ATXN2: variants seen among roughly 807,000 people sequenced by gnomAD.
ATXN2 encodes the protein ataxin 2.
In ATXN2, 37 loss-of-function variants were observed where a neutral mutation model predicts 138.6. That is an observed-to-expected ratio of 0.27 (90% CI 0.21 to 0.35). The LOEUF is 0.35. Ranked by LOEUF, ATXN2 falls within the 10% of genes least tolerant of loss-of-function variation. ATXN2 has a pLI of 1.00. For missense variants in ATXN2, 1,216 were observed against 1,480.3 expected (o/e 0.82, Z 2.93); for synonymous variants, 549 against 543.7 (o/e 1.01, Z -0.13).
intron 18 of ATXN2, among the ~76,000 whole-genome samples, chr12:111,483,626 G>C (rs1329514049): frequency 1.3e-5 from 2 of 151,396 alleles, no homozygotes; most frequent in African/African-American, 4.9e-5. Context: ...CAGAGTGTTG[G>C]GCTTACAGAT....
chr12:111,483,198 C>CAT (rs1332830805), intron 18 of ATXN2, among the ~76,000 whole-genome samples: 3 of 128,554 alleles, frequency 2.3e-5, no homozygotes, highest in Non-Finnish European at 5.2e-5. Context: ...AACACATACA[C>CAT]ACACACACAC....
chr12:111,581,285 C>A, intron 1 of ATXN2: 1 of 474,508 alleles, frequency 2.1e-6, no homozygotes, highest in Non-Finnish European at 3.9e-6. Flanking sequence ...TAAAAAACCA[C>A]CAGAGCCAGA....
chr12:111,523,547 G>A (rs766039451), intron 6 of ATXN2, among the ~76,000 whole-genome samples: 18 of 151,794 alleles, frequency 1.2e-4, no homozygotes, highest in Non-Finnish European at 8.8e-5. Flanking sequence ...AACATATGGT[G>A]AAACCCCGTC....
chr12:111,563,068 G>A (rs1882787584), intron 1 of ATXN2, among the ~76,000 whole-genome samples: 1 of 152,084 alleles, frequency 6.6e-6, no homozygotes, highest in Admixed American at 6.6e-5. Flanking sequence ...TTGTATTCCT[G>A]CCAAAAATAA....
chr12:111,559,349 T>C (rs571358940), intron 1 of ATXN2, among the ~76,000 whole-genome samples: 1 of 150,872 alleles, frequency 6.6e-6, no homozygotes, highest in South Asian at 2.1e-4. Flanking sequence ...TCCACCCACC[T>C]CAGCCTCCCA....
intron 23 of ATXN2, chr12:111,455,702 C>T (rs1007022281): frequency 5.1e-5 from 21 of 409,878 alleles, no homozygotes; most frequent in African/African-American, 2.0e-5. Flanking sequence ...TATATATGTA[C>T]ACATATATAT....
intron 1 of ATXN2, among the ~76,000 whole-genome samples, chr12:111,588,670 T>C (rs921655574): frequency 1.3e-5 from 2 of 150,460 alleles, no homozygotes; most frequent in African/African-American, 4.9e-5. Context: ...GTGACAAGTT[T>C]TCATAAACAA....
At chr12:111,547,468 G>A (rs1451254923) in intron 5 of ATXN2, among the ~76,000 whole-genome samples, 2 of 151,656 alleles carry the variant, frequency 1.3e-5, no homozygotes, top group Admixed American at 6.6e-5. Context: ...GCTCACGCTT[G>A]TGATCCCAGC....
At chr12:111,577,458 G>T (rs984475722) in intron 1 of ATXN2, among the ~76,000 whole-genome samples, 1 of 151,430 alleles carries the variant, frequency 6.6e-6, no homozygotes, top group African/African-American at 2.4e-5. Flanking sequence ...GTAGAGACGG[G>T]GTTTCACCGT....
chr12:111,515,771 AGG>A lies in ATXN2; in HGVS notation c.1375+381_1375+382del, dbSNP rs1239301686. Reference sequence around the variant, plus strand: ...CTTATGGCCAATAGGAAGGTTCACTAGGACCTTGGCCAAAGAGCTGTAAAATG... The same window carrying A: ...CTTATGGCCAATAGGAAGGTTCACTAACCTTGGCCAAAGAGCTGTAAAATG... On this transcript the variant is annotated intron_variant, in intron 10 of 24. Transcript: ENST00000673436. 2.0e-5 allele frequency among the ~76,000 whole-genome samples: 3 copies of A among 152,326 alleles called. No individual in the cohort carries two copies. The East Asian group carries it at 5.8e-4, about 29-fold the overall frequency.
chr12:111,508,445 T>TC (rs1879311705), intron 14 of ATXN2, among the ~76,000 whole-genome samples: 1 of 140,424 alleles, frequency 7.1e-6, no homozygotes, highest in East Asian at 2.2e-4. Flanking sequence ...GAAAAACTTT[T>TC]TTTTTTTTTT....
At chr12:111,526,979 A>G (rs1054910748) in intron 5 of ATXN2, among the ~76,000 whole-genome samples, 1 of 152,170 alleles carries the variant, frequency 6.6e-6, no homozygotes, top group African/African-American at 2.4e-5. Context: ...GCATACCTGG[A>G]CTTCCTATTA....
intron 18 of ATXN2, among the ~76,000 whole-genome samples, chr12:111,477,629 A>C (rs1876916022): frequency 6.6e-6 from 1 of 152,248 alleles, no homozygotes; most frequent in African/African-American, 2.4e-5. Context: ...TCTTCAAAAA[A>C]AACCGCAGAC....
chr12:111,456,393 G>A, intron 22 of ATXN2, 137 bp from the exon 23 acceptor site: 2 of 883,100 alleles, frequency 2.3e-6, no homozygotes, highest in Non-Finnish European at 3.5e-6. Flanking sequence ...GTACAGGGTG[G>A]TAAGAGCAAG....
intron 1 of ATXN2, among the ~76,000 whole-genome samples, chr12:111,570,156 A>T (rs1883236799): frequency 6.6e-6 from 1 of 152,158 alleles, no homozygotes; most frequent in Non-Finnish European, 1.5e-5. Flanking sequence ...CTTCCACGGC[A>T]TTCATATCAC....
intron 5 of ATXN2, among the ~76,000 whole-genome samples, chr12:111,541,721 T>G (rs950730372): frequency 3.3e-5 from 5 of 149,256 alleles, no homozygotes; most frequent in Admixed American, 2.0e-4. Context: ...GTTCTTCTGT[T>G]AATACACATA....
Position 111,516,394 on chromosome 12 carries a change from TA to T in ATXN2, c.1166-32del. 1 of 1,500,968 alleles carries T rather than the reference TA, an allele frequency of 6.7e-7. No homozygotes were observed. Among genetic ancestry groups the T allele is most frequent in the Non-Finnish European group, 8.9e-7 (1 of 1,118,250 alleles). The allele number at this position is 1,500,968 out of a possible 1,614,324, so 93.0% of individuals were successfully genotyped here. On this transcript the variant is annotated intron_variant, in intron 9 of 24. Coordinates refer to ENST00000673436, the MANE Select transcript of ATXN2 (RefSeq NM_001372574.1). This position sits in a 1 kb window ranked among gnomAD's most constrained non-coding sequence, Gnocchi z 5.0. ...AGAACAAATGATATGAAGGAAAGTATAAAAACTAAAGAAAAAAATGAGGGAA... is the reference window on the plus strand; with the variant it reads ...AGAACAAATGATATGAAGGAAAGTATAAAACTAAAGAAAAAAATGAGGGAA...
At chr12:111,505,676 A>G (rs971372886) in intron 14 of ATXN2, among the ~76,000 whole-genome samples, 1 of 152,262 alleles carries the variant, frequency 6.6e-6, no homozygotes, top group African/African-American at 2.4e-5. Context: ...GACTATAATC[A>G]AAAAAGACAA....
At chr12:111,561,594 G>C (rs976363982) in intron 1 of ATXN2, among the ~76,000 whole-genome samples, 1 of 152,076 alleles carries the variant, frequency 6.6e-6, no homozygotes, top group Admixed American at 6.5e-5. Flanking sequence ...ACCACTTCAA[G>C]AGGCCAAGGC....
Sources: gnomAD v4.1 joint callset for allele counts (sites outside exome capture counted in the v4.1 genomes callset) on GRCh38, gnomAD v4.1.1 for gene constraint, Gnocchi (gnomAD v3.1) non-coding constraint, MANE v1.5 for transcripts, NCBI Gene and HGNC (gene_info 2026-07-23, HGNC 2026-07-21) for gene names.